The following KCNC2 variants were observed in gnomAD, a reference collection of about 807,000 sequenced individuals.
KCNC2 encodes potassium voltage-gated channel subfamily C member 2.
In KCNC2, 21 loss-of-function variants were observed where a neutral mutation model predicts 44.5. The observed-to-expected ratio is 0.47, with a 90% CI of 0.33 to 0.68. The LOEUF (loss-of-function observed/expected upper bound fraction) is 0.68. KCNC2 is among the 30% of genes least tolerant of loss of function. The pLI, the probability that KCNC2 is intolerant of heterozygous loss-of-function variation, is 0.01. For missense variants in KCNC2, 589 were observed against 826.2 expected, an observed-to-expected ratio of 0.71 and a Z score of 3.52; for synonymous variants, 391 against 339.1, an observed-to-expected ratio of 1.15 and a Z score of -1.68.
intron 2 of KCNC2, among the ~76,000 whole-genome samples, chr12:75,096,330 TG>T (rs1885922252): frequency 6.6e-6 from 1 of 152,188 alleles, no homozygotes; most frequent in East Asian, 1.9e-4. Flanking sequence ...AAAAATATTT[TG>T]GAACAGCTTT....
At chr12:75,063,099 A>G (rs1414465181) in intron 2 of KCNC2, among the ~76,000 whole-genome samples, 2 of 152,096 alleles carry the variant, frequency 1.3e-5, no homozygotes, top group Non-Finnish European at 2.9e-5. Context: ...AAGAGCCAGA[A>G]TTATATATAG....
chr12:75,106,582 AAGGTAT>A (rs1196546169), intron 2 of KCNC2, among the ~76,000 whole-genome samples: 1 of 152,188 alleles, frequency 6.6e-6, no homozygotes, highest in African/African-American at 2.4e-5. Context: ...TCAAAGGATG[AAGGTAT>A]AGGTAATGGA....
At chr12:75,098,710 G>A (rs1388703457) in intron 2 of KCNC2, among the ~76,000 whole-genome samples, 1 of 151,892 alleles carries the variant, frequency 6.6e-6, no homozygotes, top group East Asian at 1.9e-4. Flanking sequence ...AGTGAGCTGA[G>A]ATCATGCCAC....
chr12:75,159,896 C>G (rs1434831549), intron 2 of KCNC2, among the ~76,000 whole-genome samples: 1 of 151,848 alleles, frequency 6.6e-6, no homozygotes, highest in African/African-American at 2.4e-5. Context: ...AGGATAGGGA[C>G]AGTGATTGAC....
chr12:75,199,027 A>T (rs1480476744), intron 2 of KCNC2, among the ~76,000 whole-genome samples: 1 of 151,894 alleles, frequency 6.6e-6, no homozygotes, highest in African/African-American at 2.4e-5. Flanking sequence ...AAACAATTTT[A>T]AAATCCTGGA....
At chr12:75,082,911 T>C (rs1006370154) in intron 2 of KCNC2, among the ~76,000 whole-genome samples, 7 of 151,636 alleles carry the variant, frequency 4.6e-5, no homozygotes, top group Admixed American at 1.3e-4. Flanking sequence ...TGGAGACAGA[T>C]TGAGAAAAAC....
At chr12:75,050,317 TG>T in intron 3 of KCNC2, 72 bp downstream of exon 3, 1 of 1,089,154 alleles carries the variant, frequency 9.2e-7, no homozygotes, top group Non-Finnish European at 1.3e-6. Context: ...AAAATGAGAA[TG>T]ACTGCCTTCT....
chr12:75,105,579 G>A lies in KCNC2; in HGVS notation c.688-54262C>T, dbSNP rs143194018. On this transcript the variant is annotated intron_variant, in intron 2 of 4. Transcript: ENST00000549446. ...GGTGAAATGATATGGGCTTGGACTTGGGAAAAGAAGTATTAAATTCTAGAT... is the reference window on the plus strand; with the variant it reads ...GGTGAAATGATATGGGCTTGGACTTAGGAAAAGAAGTATTAAATTCTAGAT... 3.5e-3 allele frequency among the ~76,000 whole-genome samples: 536 copies of A among 152,236 alleles called. 2 individuals carry two copies. Among genetic ancestry groups the A allele is most frequent in the African/African-American group, 0.012 (498 of 41,548 alleles).
At chr12:75,163,296 C>A (rs1247372478) in intron 2 of KCNC2, among the ~76,000 whole-genome samples, 3 of 151,544 alleles carry the variant, frequency 2.0e-5, no homozygotes, top group African/African-American at 7.3e-5. Flanking sequence ...GCCAAAAACT[C>A]CAGAGGGAAA....
At chr12:75,112,860 A>G (rs1887360239) in intron 2 of KCNC2, among the ~76,000 whole-genome samples, 1 of 152,094 alleles carries the variant, frequency 6.6e-6, no homozygotes, top group Non-Finnish European at 1.5e-5. Context: ...CCATGCCAAA[A>G]CTAAAAACTT....
At chr12:75,088,086 A>G (rs1458555355) in intron 2 of KCNC2, among the ~76,000 whole-genome samples, 3 of 152,024 alleles carry the variant, frequency 2.0e-5, no homozygotes, top group Non-Finnish European at 4.4e-5. Flanking sequence ...TAGCTATATA[A>G]CATTCAGCAA....
At chr12:75,079,174 T>G (rs1228200360) in intron 2 of KCNC2, among the ~76,000 whole-genome samples, 2 of 152,048 alleles carry the variant, frequency 1.3e-5, no homozygotes, top group Admixed American at 1.3e-4. Context: ...TAAGAGAACA[T>G]GAAAATATGG....
At chr12:75,107,987 C>G (rs1390635942) in intron 2 of KCNC2, among the ~76,000 whole-genome samples, 2 of 152,130 alleles carry the variant, frequency 1.3e-5, no homozygotes, top group Non-Finnish European at 2.9e-5. Context: ...AAAACAAGTA[C>G]AGTGTTTAAA....
rs61089425 is a variant in KCNC2 at position 75,181,916 on chromosome 12, C to CTTTTTTTTTTTTTTTTTTTTTTTTTT, written c.687+25355_687+25380dup. ...AAACATTATTACTATTAATATCTTCCTTTTTTTTTTTTTTTTTTTTTTTTT... is the reference window on the plus strand; with the variant it reads ...AAACATTATTACTATTAATATCTTCCTTTTTTTTTTTTTTTTTTTTTTTTTTTTTTTTTTTTTTTTTTTTTTTTTTT... On this transcript the variant is annotated intron_variant, in intron 2 of 4. Transcript: ENST00000549446. Among the ~76,000 whole-genome samples, 5 of 47,876 alleles carry CTTTTTTTTTTTTTTTTTTTTTTTTTT rather than the reference C, an allele frequency of 1.0e-4. 2 individuals carry two copies. Among genetic ancestry groups the CTTTTTTTTTTTTTTTTTTTTTTTTTT allele is most frequent in the Non-Finnish European group, 1.6e-4 (4 of 25,268 alleles). The allele number at this position is 47,876 out of a possible 152,430, so 31.4% of individuals were successfully genotyped here.
At position 75,207,252 on chromosome 12, in the gene KCNC2, T is replaced by C; in HGVS notation, c.687+45A>G. 6.6e-7 allele frequency: 1 copy of C among 1,505,590 alleles called. No homozygotes were observed. The highest frequency in any genetic ancestry group is 8.8e-7 in the Non-Finnish European group (1 of 1,130,310). 93.3% of individuals were successfully genotyped at this position (1,505,590 alleles called of 1,614,324 possible). A position where few individuals can be genotyped will look rare whatever the true frequency, so the allele number is the denominator to read the frequency against. On this transcript the variant is annotated intron_variant, in intron 2 of 4. Coordinates refer to ENST00000549446, the MANE Select transcript of KCNC2 (RefSeq NM_139137.4). This position sits in a 1 kb window ranked among gnomAD's most constrained non-coding sequence, Gnocchi z 4.1. Reference sequence around the variant, plus strand: ...AAGAACAGAAAGTTGGGGAGGGAGTTGGGAGAAGTTGAAGCAGCAGGGAAG... The same window carrying C: ...AAGAACAGAAAGTTGGGGAGGGAGTCGGGAGAAGTTGAAGCAGCAGGGAAG...
chr12:75,151,928 A>G lies in KCNC2; in HGVS notation c.687+55369T>C, dbSNP rs968844691. Reference sequence around the variant, plus strand: ...AAAGTCTAATATATATATATAATATATTATATATTATACATTTATATATAA... The same window carrying G: ...AAAGTCTAATATATATATATAATATGTTATATATTATACATTTATATATAA... On this transcript the variant is annotated intron_variant, in intron 2 of 4. Coordinates refer to ENST00000549446, the MANE Select transcript of KCNC2 (RefSeq NM_139137.4). 6.1e-5 allele frequency among the ~76,000 whole-genome samples: 9 copies of G among 146,520 alleles called. No homozygotes were observed. In the South Asian group the frequency reaches 8.4e-4, roughly 14 times the overall value.
chr12:75,142,405 T>G (rs1035085855), intron 2 of KCNC2, among the ~76,000 whole-genome samples: 3 of 152,228 alleles, frequency 2.0e-5, no homozygotes, highest in African/African-American at 7.2e-5. Context: ...CAATAGAATC[T>G]GTGTGCTAAA....
intron 2 of KCNC2, among the ~76,000 whole-genome samples, chr12:75,076,209 A>C (rs1449086831): frequency 6.6e-6 from 1 of 152,198 alleles, no homozygotes; most frequent in Non-Finnish European, 1.5e-5. Flanking sequence ...CAAAATGTAT[A>C]ACTTATGCCA....
chr12:75,197,745 A>G (rs1456811607), intron 2 of KCNC2, among the ~76,000 whole-genome samples: 3 of 151,992 alleles, frequency 2.0e-5, no homozygotes, highest in Non-Finnish European at 4.4e-5. Flanking sequence ...AATCCTGACA[A>G]CAACATGCTA....
Sources: allele counts gnomAD v4.1 joint callset (sites outside exome capture counted in the v4.1 genomes callset), GRCh38; gene constraint gnomAD v4.1.1; non-coding constraint Gnocchi (gnomAD v3.1); transcripts MANE v1.5; gene names NCBI Gene and HGNC (gene_info 2026-07-23, HGNC 2026-07-21).